The following CUX2 variants were observed in gnomAD, a reference collection of about 807,000 sequenced individuals.
The protein encoded by CUX2 is homeobox protein cut-like 2.
In CUX2, 40 loss-of-function variants were observed where a neutral mutation model predicts 144.8. That is an observed-to-expected ratio of 0.28 (90% CI 0.21 to 0.36). CUX2 has a LOEUF of 0.36. Ranked by LOEUF, CUX2 falls within the 10% of genes least tolerant of loss-of-function variation. CUX2 has a pLI of 1.00. For synonymous variants in CUX2, 827 were observed against 875.6 expected, an observed-to-expected ratio of 0.94 and a Z score of 0.98; for missense variants, 1,615 against 1,994.0, an observed-to-expected ratio of 0.81 and a Z score of 3.62.
chr12:111,100,504 TAAG>T (rs1316773729), intron 1 of CUX2, among the ~76,000 whole-genome samples: 1 of 151,980 alleles, frequency 6.6e-6, no homozygotes, highest in Non-Finnish European at 1.5e-5. Context: ...GTGTGTATCT[TAAG>T]GAGACACATG....
At chr12:111,125,366 A>G (rs1283865216) in intron 1 of CUX2, among the ~76,000 whole-genome samples, 1 of 152,096 alleles carries the variant, frequency 6.6e-6, no homozygotes, top group African/African-American at 2.4e-5. Flanking sequence ...TTTAGTAGAG[A>G]CAAGGTTTTG....
At chr12:111,329,220 G>GT (rs1409178246) in intron 18 of CUX2, among the ~76,000 whole-genome samples, 2 of 151,080 alleles carry the variant, frequency 1.3e-5, no homozygotes, top group African/African-American at 4.9e-5. Flanking sequence ...ACTGGGATGG[G>GT]TTGGTCACTC....
rs73413523 is a variant in CUX2 at position 111,068,980 on chromosome 12, C to A, written c.63+34740C>A. ...AAATAGCCGGACTGGGTGGCCTGTA[C>A]CTGTAATCTCAGCTACTCGGGAGGC... On this transcript the variant is annotated intron_variant, in intron 1 of 21. Coordinates refer to ENST00000261726, the MANE Select transcript of CUX2 (RefSeq NM_015267.4). The surrounding 1 kb of genome is among the most constrained non-coding windows in gnomAD (Gnocchi z 4.9). Among the ~76,000 whole-genome samples, 11,063 of 152,202 alleles carry A rather than the reference C, an allele frequency of 0.073. 1,335 individuals are homozygous for A. The highest frequency in any genetic ancestry group is 0.25 in the African/African-American group (10,518 of 41,472).
chr12:111,042,271 GA>G (rs1235700784), intron 1 of CUX2, among the ~76,000 whole-genome samples: 14 of 152,210 alleles, frequency 9.2e-5, no homozygotes, highest in Non-Finnish European at 1.0e-4. Flanking sequence ...GGGTGTTGCG[GA>G]TCCGGAGACC....
In CUX2 at chr12:111,214,195, T is replaced by C; in HGVS notation, c.64-5T>C. ...TCTCTTTTTTTTTTTTTTTTATTGT[T>C]CCAGAAGGAGCTTAATTCCGTCGCT... On this transcript the variant is annotated splice_polypyrimidine_tract_variant and splice_region_variant and intron_variant, in intron 1 of 21. Coordinates refer to ENST00000261726, the MANE Select transcript of CUX2 (RefSeq NM_015267.4). The C allele has an allele frequency of 1.4e-6, 2 of 1,475,036 alleles. No individual in the cohort carries two copies. The highest frequency in any genetic ancestry group is 1.8e-6 in the Non-Finnish European group (2 of 1,090,620). 91.4% of individuals were successfully genotyped at this position (1,475,036 alleles called of 1,614,324 possible).
At chr12:111,257,674 C>T (rs1883908629) in intron 3 of CUX2, among the ~76,000 whole-genome samples, 1 of 135,034 alleles carries the variant, frequency 7.4e-6, no homozygotes, top group East Asian at 2.2e-4. Context: ...CTCTTCCCCC[C>T]TCTTCCTCCC....
At chr12:111,172,727 A>C (rs1878624507) in intron 1 of CUX2, among the ~76,000 whole-genome samples, 1 of 152,214 alleles carries the variant, frequency 6.6e-6, no homozygotes, top group Non-Finnish European at 1.5e-5. Flanking sequence ...TGTCTTGTCA[A>C]CCAAATCAAT....
chr12:111,243,798 C>A (rs1883146562), intron 3 of CUX2, among the ~76,000 whole-genome samples: 1 of 152,074 alleles, frequency 6.6e-6, no homozygotes, highest in Non-Finnish European at 1.5e-5. Context: ...ATGCTAAAAC[C>A]AAGAAAGTCC....
chr12:111,304,247 G>C lies in CUX2; in HGVS notation c.791G>C (p.Arg264Pro). Reference sequence around the variant, plus strand: ...GCCCAGCGGGAGGTGGAAAGTCTCCGGGAACAGCTGGCCTCTGTCAACAGC... The same window carrying C: ...GCCCAGCGGGAGGTGGAAAGTCTCCCGGAACAGCTGGCCTCTGTCAACAGC... The part of the protein sequence containing the change: ...EAAQREVESL[R>P]EQLASVNSSI... The change falls in exon 10 of 22, where the codon CGG (arginine) becomes CCG (proline). Residue 264 changes from arginine to proline, a missense_variant. Around this residue, in one of 12 missense-constraint regions of CUX2, gnomAD observed 295 missense variants for 400.2 expected, o/e 0.74. Transcript: ENST00000261726. This position sits in a 1 kb window ranked among gnomAD's most constrained non-coding sequence, Gnocchi z 4.7. The C allele has an allele frequency of 1.9e-6, 3 of 1,613,894 alleles. No homozygotes were observed. Among genetic ancestry groups the C allele is most frequent in the Non-Finnish European group, 1.7e-6 (2 of 1,179,930 alleles).
chr12:111,136,156 C>G (rs778406459), intron 1 of CUX2, among the ~76,000 whole-genome samples: 2 of 151,608 alleles, frequency 1.3e-5, no homozygotes, highest in African/African-American at 4.9e-5. Context: ...GGAGCCGGGA[C>G]CCCATGAGAA....
intron 4 of CUX2, among the ~76,000 whole-genome samples, chr12:111,286,120 G>A (rs146598230): frequency 3.4e-4 from 52 of 152,302 alleles, no homozygotes; most frequent in Non-Finnish European, 7.3e-4. Context: ...TACAGGTGAA[G>A]CCATACCCTG....
At position 111,322,569 on chromosome 12, in the gene CUX2, G is replaced by C; in HGVS notation, c.2915G>C (p.Gly972Ala). 1 of 1,608,918 alleles carries C rather than the reference G, an allele frequency of 6.2e-7. No individual in the cohort carries two copies. The highest frequency in any genetic ancestry group is 8.5e-7 in the Non-Finnish European group (1 of 1,179,642). Reference sequence around the variant, plus strand: ...GGCCAGGCAGTGGGCCAGCAGCCTGGTGCCTCCCAGGGTGAGTGCGGGCAG... The same window carrying C: ...GGCCAGGCAGTGGGCCAGCAGCCTGCTGCCTCCCAGGGTGAGTGCGGGCAG... ...QLGQAVGQQP[G>A]ASQASPTEPR... Residue 972 changes from glycine to alanine, a missense_variant, in exon 18 of 22, where the codon GGT becomes GCT. Transcript: ENST00000261726. The surrounding 1 kb of genome is among the most constrained non-coding windows in gnomAD (Gnocchi z 4.2).
At chr12:111,258,873 T>C (rs183507855) in intron 3 of CUX2, among the ~76,000 whole-genome samples, 14 of 152,194 alleles carry the variant, frequency 9.2e-5, no homozygotes, top group African/African-American at 3.4e-4. Flanking sequence ...ATTATTTTTC[T>C]TTTTTTGAAA....
rs1884916532 is a variant in CUX2, at chr12:111,277,115, G to A, written c.301+13276G>A. On this transcript the variant is annotated intron_variant, in intron 4 of 21. Coordinates refer to ENST00000261726, the MANE Select transcript of CUX2 (RefSeq NM_015267.4). The surrounding 1 kb of genome is among the most constrained non-coding windows in gnomAD (Gnocchi z 5.0). ...CCTTGTGGATGTGGGGGCCCCATCTGCCCCAGGATGAATGGTTGCTGGAGT... is the reference window on the plus strand; with the variant it reads ...CCTTGTGGATGTGGGGGCCCCATCTACCCCAGGATGAATGGTTGCTGGAGT... Among the ~76,000 whole-genome samples the A allele has an allele frequency of 6.6e-6, 1 of 152,106 alleles. No homozygotes were observed. Among genetic ancestry groups the A allele is most frequent in the African/African-American group, 2.4e-5 (1 of 41,424 alleles).
Position 111,320,297 on chromosome 12 carries a change from C to G in CUX2, c.2288C>G (p.Ser763Cys), listed in dbSNP as rs776412663. 1 of 1,597,382 alleles carries G rather than the reference C, an allele frequency of 6.3e-7. No individual in the cohort carries two copies. Among genetic ancestry groups the G allele is most frequent in the Admixed American group, 1.7e-5 (1 of 59,938 alleles). Reference sequence around the variant, plus strand: ...GCGCAGGCGCCGCTCCCGGTCCTGTCCCCCGCCGCCTTCGTGCAGAGCATC... The same window carrying G: ...GCGCAGGCGCCGCTCCCGGTCCTGTGCCCCGCCGCCTTCGTGCAGAGCATC... The part of the protein sequence containing the change: ...GPAQAPLPVL[S>C]PAAFVQSIIR... The change falls in exon 17 of 22, where the codon TCC becomes TGC. Residue 763 changes from serine to cysteine, a missense_variant. Ser to Cys is a moderately radical substitution (Grantham distance 112). This residue lies in a region of CUX2 where 390 missense variants were observed against 387.1 expected (regional missense o/e 1.01). Transcript: ENST00000261726. This position sits in a 1 kb window ranked among gnomAD's most constrained non-coding sequence, Gnocchi z 8.1.
chr12:111,106,464 A>T (rs76427017), intron 1 of CUX2, among the ~76,000 whole-genome samples: 13,464 of 151,344 alleles, frequency 0.089, 870 homozygotes, highest in African/African-American at 0.17. Context: ...GTCCTGGCTA[A>T]TATTTTTATT....
At chr12:111,248,368 C>T (rs906302100) in intron 3 of CUX2, among the ~76,000 whole-genome samples, 16 of 152,176 alleles carry the variant, frequency 1.1e-4, no homozygotes, top group Admixed American at 9.2e-4. Context: ...CTGCAGGCAC[C>T]GCAAATGGCC....
chr12:111,165,722 C>T (rs974783264), intron 1 of CUX2, among the ~76,000 whole-genome samples: 1 of 152,142 alleles, frequency 6.6e-6, no homozygotes, highest in African/African-American at 2.4e-5. Flanking sequence ...CTATAAGCAT[C>T]GCCTCCCAGC....
chr12:111,201,436 C>T (rs999502555), intron 1 of CUX2, among the ~76,000 whole-genome samples: 4 of 152,190 alleles, frequency 2.6e-5, no homozygotes, highest in Non-Finnish European at 4.4e-5. Context: ...GTCACCCATT[C>T]CCCAACAGCC....
Sources: gnomAD v4.1 joint callset for allele counts (sites outside exome capture counted in the v4.1 genomes callset) on GRCh38, gnomAD v4.1.1 for gene constraint, gnomAD v4.1.1 regional missense constraint, Gnocchi (gnomAD v3.1) non-coding constraint, MANE v1.5 for transcripts, NCBI Gene and HGNC (gene_info 2026-07-23, HGNC 2026-07-21) for gene names.